The following LRMDA variants were observed in gnomAD, a reference collection of about 807,000 sequenced individuals.
The protein encoded by LRMDA is leucine-rich melanocyte differentiation-associated protein.
In LRMDA, 18 loss-of-function variants were observed where a neutral mutation model predicts 29.8. The ratio of observed to expected loss-of-function variants is 0.60; its 90% CI spans 0.42 to 0.90. LRMDA has a LOEUF of 0.90. Ranked by LOEUF, LRMDA falls within the 40% of genes least tolerant of loss-of-function variation. LRMDA has a pLI of 0.00. For synonymous variants in LRMDA, 125 were observed against 109.4 expected, an observed-to-expected ratio of 1.14 and a Z score of -0.89; for missense variants, 273 against 273.9, an observed-to-expected ratio of 1.00 and a Z score of 0.02.
intron 5 of LRMDA, among the ~76,000 whole-genome samples, chr10:76,166,438 A>T (rs1052001213): frequency 2.6e-5 from 4 of 152,192 alleles, no homozygotes; most frequent in Non-Finnish European, 5.9e-5. Context: ...AGTATCCATT[A>T]GTTACTTCTC....
intron 5 of LRMDA, among the ~76,000 whole-genome samples, chr10:76,063,336 T>C (rs868855224): frequency 3.9e-5 from 6 of 152,222 alleles, no homozygotes; most frequent in African/African-American, 1.4e-4. Flanking sequence ...CGTATGTTTT[T>C]TCCCATGCAG....
At chr10:75,925,126 T>A (rs1379650157) in intron 2 of LRMDA, among the ~76,000 whole-genome samples, 1 of 152,242 alleles carries the variant, frequency 6.6e-6, no homozygotes, top group Admixed American at 6.5e-5. Flanking sequence ...TGGCTTATTG[T>A]CTGACAAAGT....
intron 2 of LRMDA, among the ~76,000 whole-genome samples, chr10:75,682,016 G>C (rs1842029155): frequency 6.6e-6 from 1 of 152,126 alleles, no homozygotes; most frequent in Non-Finnish European, 1.5e-5. Context: ...CCTTTAGGCG[G>C]GTCTAACTTT....
intron 2 of LRMDA, among the ~76,000 whole-genome samples, chr10:75,446,753 C>T (rs1844401292): frequency 6.6e-6 from 1 of 152,208 alleles, no homozygotes; most frequent in African/African-American, 2.4e-5. Flanking sequence ...CCCTGATATT[C>T]CATAGGCTAA....
chr10:75,744,320 C>G (rs1336185514), intron 2 of LRMDA, among the ~76,000 whole-genome samples: 1 of 152,130 alleles, frequency 6.6e-6, no homozygotes, highest in African/African-American at 2.4e-5. Flanking sequence ...ACCACAGAGC[C>G]TGATTTAGAG....
intron 2 of LRMDA, among the ~76,000 whole-genome samples, chr10:75,690,232 TGAGA>T (rs1450565729): frequency 6.6e-6 from 1 of 152,148 alleles, no homozygotes; most frequent in African/African-American, 2.4e-5. Context: ...CTTATATGGA[TGAGA>T]GAGAGATGTT....
chr10:76,240,871 T>C (rs1179370146), intron 5 of LRMDA, among the ~76,000 whole-genome samples: 5 of 137,014 alleles, frequency 3.6e-5, no homozygotes, highest in Non-Finnish European at 8.0e-5. Context: ...CATATATATA[T>C]ACGCACACAC....
chr10:75,879,257 A>G (rs543295484), intron 2 of LRMDA, among the ~76,000 whole-genome samples: 2 of 152,324 alleles, frequency 1.3e-5, no homozygotes, highest in African/African-American at 2.4e-5. Context: ...GGGGTGAAGC[A>G]GGAGAAGGAT....
intron 6 of LRMDA, among the ~76,000 whole-genome samples, chr10:76,327,588 T>C (rs1454722170): frequency 6.6e-6 from 1 of 152,222 alleles, no homozygotes; most frequent in African/African-American, 2.4e-5. Context: ...CCACTTTATC[T>C]GCAATGCCTG....
At chr10:75,467,792 C>T (rs983702894) in intron 2 of LRMDA, among the ~76,000 whole-genome samples, 1 of 152,112 alleles carries the variant, frequency 6.6e-6, no homozygotes, top group African/African-American at 2.4e-5. Context: ...GAAACCCCAT[C>T]TCTACTAAAA....
At chr10:75,853,254 TC>T (rs1483862740) in intron 2 of LRMDA, among the ~76,000 whole-genome samples, 2 of 152,146 alleles carry the variant, frequency 1.3e-5, no homozygotes, top group African/African-American at 4.8e-5. Flanking sequence ...TTTCTAAACT[TC>T]CTATCATCTG....
intron 2 of LRMDA, among the ~76,000 whole-genome samples, chr10:75,968,935 T>C (rs559165030): frequency 1.3e-5 from 2 of 152,312 alleles, no homozygotes; most frequent in East Asian, 3.9e-4. Flanking sequence ...TGTTTCTGTT[T>C]TATACTGATT....
At chr10:75,434,870 G>A (rs1055335077) in intron 1 of LRMDA, among the ~76,000 whole-genome samples, 6 of 152,216 alleles carry the variant, frequency 3.9e-5, no homozygotes, top group Admixed American at 3.9e-4. Flanking sequence ...TGCCCTGGGA[G>A]CCAGAGAGTC....
chr10:75,538,794 A>AC (rs913293205), intron 2 of LRMDA, among the ~76,000 whole-genome samples: 1 of 152,136 alleles, frequency 6.6e-6, no homozygotes. Flanking sequence ...TGATCTTCAG[A>AC]CCCCCAAGGT....
intron 6 of LRMDA, among the ~76,000 whole-genome samples, chr10:76,337,908 A>G (rs992304601): frequency 5.9e-5 from 9 of 152,134 alleles, no homozygotes; most frequent in African/African-American, 1.9e-4. Flanking sequence ...TACTGCTTAC[A>G]TTGACTTGGG....
At position 76,400,118 on chromosome 10, in the gene LRMDA, G is replaced by C. The variant is rs1907338; in HGVS notation, c.601+75633G>C. Among the ~76,000 whole-genome samples the C allele has an allele frequency of 8.0e-3, 1,217 of 152,264 alleles. 15 individuals are homozygous for C. The highest frequency in any genetic ancestry group is 0.028 in the African/African-American group (1,164 of 41,534). ...TGCCTTAGTAGAAAACTTTTTTCCTGCTGATCTTGATGAAGTAAGAAGCTA... is the reference window on the plus strand; with the variant it reads ...TGCCTTAGTAGAAAACTTTTTTCCTCCTGATCTTGATGAAGTAAGAAGCTA... On this transcript the variant is annotated intron_variant, in intron 6 of 6. Coordinates refer to ENST00000611255, the MANE Select transcript of LRMDA (RefSeq NM_001305581.2).
At chr10:75,584,876 T>C (rs1289666084) in intron 2 of LRMDA, among the ~76,000 whole-genome samples, 1 of 152,186 alleles carries the variant, frequency 6.6e-6, no homozygotes, top group Non-Finnish European at 1.5e-5. Context: ...GAGCTAATGA[T>C]AGGAATTAAG....
intron 6 of LRMDA, among the ~76,000 whole-genome samples, chr10:76,546,531 T>C (rs1425875368): frequency 1.3e-5 from 2 of 152,218 alleles, no homozygotes; most frequent in East Asian, 3.8e-4. Flanking sequence ...ATGACTGTTA[T>C]ATTAGGAAAG....
chr10:76,390,063 C>A (rs958249501), intron 6 of LRMDA, among the ~76,000 whole-genome samples: 1 of 152,086 alleles, frequency 6.6e-6, no homozygotes. Flanking sequence ...AAAGAGTTAC[C>A]ATACTGTTTT....
Sources: allele counts gnomAD v4.1 joint callset (sites outside exome capture counted in the v4.1 genomes callset), GRCh38; gene constraint gnomAD v4.1.1; transcripts MANE v1.5; gene names NCBI Gene and HGNC (gene_info 2026-07-23, HGNC 2026-07-21).